Variants in NXPE4 observed in about 807,000 individuals in gnomAD.
NXPE4 encodes neurexophilin and PC-esterase domain family member 4.
Under a neutral mutation model 33.3 loss-of-function variants are expected in NXPE4, and 42 were observed. The ratio of observed to expected loss-of-function variants is 1.26; its 90% CI spans 0.98 to 1.63. The LOEUF is 1.63. Among genes scored for constraint, NXPE4 ranks in the 40% most tolerant of loss-of-function variants. The pLI is 0.00. For missense variants in NXPE4, 709 were observed against 647.6 expected, an observed-to-expected ratio of 1.09 and a Z score of -1.03; for synonymous variants, 253 against 234.9, an observed-to-expected ratio of 1.08 and a Z score of -0.71.
the NXPE4 span, among the ~76,000 whole-genome samples, chr11:114,658,499 T>C: frequency 6.6e-6 from 1 of 152,088 alleles, no homozygotes; most frequent in Admixed American, 6.6e-5. Flanking sequence ...AATGCAGGCC[T>C]GGAGGGGGAG....
At chr11:114,632,987 T>G in the NXPE4 span, among the ~76,000 whole-genome samples, 1 of 104,274 alleles carries the variant, frequency 9.6e-6, no homozygotes, top group African/African-American at 4.0e-5. Flanking sequence ...TATATATTTT[T>G]ATATAATATA....
the NXPE4 span, among the ~76,000 whole-genome samples, chr11:114,664,725 G>A: frequency 2.2e-4 from 33 of 152,140 alleles, no homozygotes; most frequent in African/African-American, 5.6e-4. Flanking sequence ...AATAGAAACC[G>A]TACTTCCAAT....
chr11:114,623,270 C>T, the NXPE4 span, among the ~76,000 whole-genome samples: 9 of 152,066 alleles, frequency 5.9e-5, no homozygotes, highest in East Asian at 1.9e-4. Context: ...CATATTGCCT[C>T]GTGGGTGACA....
the NXPE4 span, among the ~76,000 whole-genome samples, chr11:114,630,505 C>A: frequency 6.6e-6 from 1 of 151,626 alleles, no homozygotes; most frequent in African/African-American, 2.4e-5. Context: ...TTCCTTACAC[C>A]TTATACAAAA....
the NXPE4 span, among the ~76,000 whole-genome samples, chr11:114,643,871 G>A: frequency 6.6e-6 from 1 of 152,040 alleles, no homozygotes; most frequent in Non-Finnish European, 1.5e-5. Context: ...CCACTTTCAT[G>A]ATATTAATTC....
chr11:114,608,470 G>A, the NXPE4 span, among the ~76,000 whole-genome samples: 8 of 151,806 alleles, frequency 5.3e-5, no homozygotes, highest in Non-Finnish European at 7.4e-5. Flanking sequence ...AGTAAGTATT[G>A]CCTTGTGGGT....
the NXPE4 span, among the ~76,000 whole-genome samples, chr11:114,613,611 G>A: frequency 6.6e-6 from 1 of 151,788 alleles, no homozygotes; most frequent in Admixed American, 6.6e-5. Context: ...TTGCCTCATG[G>A]GTAACCACTG....
the NXPE4 span, among the ~76,000 whole-genome samples, chr11:114,632,227 G>T: frequency 7.2e-6 from 1 of 138,178 alleles, no homozygotes; most frequent in African/African-American, 2.6e-5. Flanking sequence ...ATGTATATAT[G>T]TATAATATAT....
the NXPE4 span, among the ~76,000 whole-genome samples, chr11:114,601,838 A>G: frequency 1.5e-5 from 1 of 66,276 alleles, no homozygotes; most frequent in Non-Finnish European, 2.5e-5. Context: ...ATAATTATAT[A>G]TATAATATAA....
At chr11:114,641,522 A>C in the NXPE4 span, among the ~76,000 whole-genome samples, 1 of 152,100 alleles carries the variant, frequency 6.6e-6, no homozygotes, top group East Asian at 1.9e-4. Context: ...TTGAGAGGGA[A>C]ATATGTAACT....
At chr11:114,619,752 T>G in the NXPE4 span, among the ~76,000 whole-genome samples, 4 of 151,420 alleles carry the variant, frequency 2.6e-5, no homozygotes, top group African/African-American at 7.3e-5. Context: ...GTATTGCCTC[T>G]TGGGTAACCA....
chr11:114,652,269 C>T, the NXPE4 span, among the ~76,000 whole-genome samples: 3 of 152,216 alleles, frequency 2.0e-5, no homozygotes, highest in Non-Finnish European at 4.4e-5. Flanking sequence ...CATTGAGCAT[C>T]TGGAAGGGGA....
At chr11:114,604,883 C>T in the NXPE4 span, among the ~76,000 whole-genome samples, 10 of 146,974 alleles carry the variant, frequency 6.8e-5, no homozygotes, top group East Asian at 4.2e-4. Flanking sequence ...TGTTGCCTCA[C>T]GGGTAACCAC....
chr11:114,622,048 G>A, the NXPE4 span, among the ~76,000 whole-genome samples: 1 of 152,010 alleles, frequency 6.6e-6, no homozygotes, highest in Admixed American at 6.6e-5. Context: ...TGGATAATAA[G>A]TATTCCTTCA....
the NXPE4 span, among the ~76,000 whole-genome samples, chr11:114,660,274 A>G: frequency 6.6e-6 from 1 of 152,056 alleles, no homozygotes; most frequent in African/African-American, 2.4e-5. Context: ...CAGAAAATAG[A>G]AGCACTTTGC....
chr11:114,677,813 C>G, the NXPE4 span, among the ~76,000 whole-genome samples: 1 of 152,054 alleles, frequency 6.6e-6, no homozygotes, highest in Non-Finnish European at 1.5e-5. Context: ...TCTAGACACT[C>G]TCATGCAGAG....
upstream of NXPE4, among the ~76,000 whole-genome samples, chr11:114,598,081 A>G (rs1206335213): frequency 6.6e-6 from 1 of 152,180 alleles, no homozygotes; most frequent in Non-Finnish European, 1.5e-5. Context: ...CATTGGGTAA[A>G]TGTAAAAAAA....
chr11:114,653,479 G>GTAC, the NXPE4 span, among the ~76,000 whole-genome samples: 1 of 147,296 alleles, frequency 6.8e-6, no homozygotes, highest in Non-Finnish European at 1.5e-5. Flanking sequence ...TTGGGTGCTT[G>GTAC]TACTCCGTAT....
At chr11:114,584,365 GT>G in intron 2 of NXPE4, 1 of 403,376 alleles carries the variant, frequency 2.5e-6, no homozygotes, top group Non-Finnish European at 5.0e-6. Flanking sequence ...TGAGAACCTA[GT>G]AATGCAGGCC....
Sources: allele counts gnomAD v4.1 joint callset (sites outside exome capture counted in the v4.1 genomes callset), GRCh38; gene constraint gnomAD v4.1.1; transcripts MANE v1.5; gene names NCBI Gene and HGNC (gene_info 2026-07-23, HGNC 2026-07-21).